The following SEMA3A variants were observed in gnomAD, a reference collection of about 807,000 sequenced individuals.
SEMA3A encodes the protein semaphorin 3A, also known as semaphorin-3A.
Under a neutral mutation model 97.9 loss-of-function variants are expected in SEMA3A, and 29 were observed. The observed-to-expected ratio is 0.30, with a 90% CI of 0.22 to 0.40. SEMA3A has a LOEUF of 0.40. SEMA3A is among the 10% of genes least tolerant of loss of function. SEMA3A has a pLI of 1.00. For missense variants in SEMA3A, 763 were observed against 951.3 expected (o/e 0.80, Z 2.60); for synonymous variants, 321 against 323.7 (o/e 0.99, Z 0.09).
At chr7:84,488,317 T>TAC (rs67659986) in intron 1 of SEMA3A, among the ~76,000 whole-genome samples, 8,441 of 145,684 alleles carry the variant, frequency 0.058, 283 homozygotes, top group East Asian at 0.13. Context: ...TCTTCGTATA[T>TAC]ACACACACAC....
At chr7:84,370,954 A>G (rs1802959159) in intron 2 of SEMA3A, among the ~76,000 whole-genome samples, 1 of 151,270 alleles carries the variant, frequency 6.6e-6, no homozygotes, top group African/African-American at 2.4e-5. Flanking sequence ...AGTATACCAT[A>G]TAGAACATAT....
intron 1 of SEMA3A, among the ~76,000 whole-genome samples, chr7:84,429,516 T>TTATATATATATGTATATATATATATA (rs1804914055): frequency 1.4e-5 from 1 of 72,420 alleles, no homozygotes; most frequent in African/African-American, 7.1e-5. Context: ...ATAGAGTTTG[T>TTATATATATATGTATATATATATATA]TATATATATA....
intron 3 of SEMA3A, among the ~76,000 whole-genome samples, chr7:84,201,554 T>G (rs1193134872): frequency 6.6e-6 from 1 of 152,116 alleles, no homozygotes; most frequent in African/African-American, 2.4e-5. Context: ...TTAATTTCAC[T>G]GCCTTGGCTA....
intron 2 of SEMA3A, among the ~76,000 whole-genome samples, chr7:84,318,147 A>G (rs532017434): frequency 6.6e-6 from 1 of 151,958 alleles, no homozygotes; most frequent in Non-Finnish European, 1.5e-5. Context: ...AAAAATATAC[A>G]TTTTTATATT....
chr7:84,247,730 C>T (rs10262040), intron 3 of SEMA3A, among the ~76,000 whole-genome samples: 9,205 of 152,116 alleles, frequency 0.061, 332 homozygotes, highest in African/African-American at 0.11. Context: ...TAGTAACTCC[C>T]CTTACCCCAG....
chr7:84,042,842 C>G (rs558188264), intron 6 of SEMA3A, among the ~76,000 whole-genome samples: 1 of 152,112 alleles, frequency 6.6e-6, no homozygotes, highest in South Asian at 2.1e-4. Flanking sequence ...ATAAACTGCT[C>G]TAATGAATGG....
At chr7:84,093,335 T>G (rs1170625056) in intron 4 of SEMA3A, among the ~76,000 whole-genome samples, 1 of 152,178 alleles carries the variant, frequency 6.6e-6, no homozygotes, top group Non-Finnish European at 1.5e-5. Flanking sequence ...AATATGTGTA[T>G]TTATTTACTC....
At chr7:84,231,060 A>G (rs1429311327) in intron 3 of SEMA3A, among the ~76,000 whole-genome samples, 1 of 151,910 alleles carries the variant, frequency 6.6e-6, no homozygotes, top group Non-Finnish European at 1.5e-5. Flanking sequence ...TTATACTTCA[A>G]AAAATTTCCT....
intron 5 of SEMA3A, among the ~76,000 whole-genome samples, chr7:84,048,388 AC>A (rs1269790300): frequency 9.2e-5 from 14 of 152,096 alleles, no homozygotes; most frequent in Non-Finnish European, 2.1e-4. Flanking sequence ...CTTAATATTA[AC>A]CAATATTCAA....
chr7:84,401,109 T>C (rs1461314317), intron 1 of SEMA3A, among the ~76,000 whole-genome samples: 1 of 152,172 alleles, frequency 6.6e-6, no homozygotes, highest in Non-Finnish European at 1.5e-5. Flanking sequence ...TATCTTATAC[T>C]TATAGAAACC....
chr7:84,074,369 AG>A (rs1475511507), intron 4 of SEMA3A, among the ~76,000 whole-genome samples: 1 of 152,160 alleles, frequency 6.6e-6, no homozygotes, highest in East Asian at 1.9e-4. Context: ...CATTGTGGGA[AG>A]ATGCAAAGAA....
At chr7:84,208,524 G>A (rs573357033) in intron 3 of SEMA3A, among the ~76,000 whole-genome samples, 2 of 152,244 alleles carry the variant, frequency 1.3e-5, no homozygotes, top group African/African-American at 2.4e-5. Context: ...GGGAGGCAAT[G>A]TAAGACTAGC....
intron 2 of SEMA3A, among the ~76,000 whole-genome samples, chr7:84,359,597 T>C (rs1444560972): frequency 6.6e-6 from 1 of 152,134 alleles, no homozygotes; most frequent in Non-Finnish European, 1.5e-5. Flanking sequence ...GGTCTACAAT[T>C]CTCTTTTTTG....
At chr7:83,977,520 A>AAACTC (rs1386101432) in intron 14 of SEMA3A, among the ~76,000 whole-genome samples, 2 of 151,972 alleles carry the variant, frequency 1.3e-5, no homozygotes, top group Non-Finnish European at 2.9e-5. Context: ...TAATGTCTAG[A>AAACTC]AACTCAAGGC....
intron 2 of SEMA3A, among the ~76,000 whole-genome samples, chr7:84,325,982 T>C (rs1047798548): frequency 2.0e-5 from 3 of 152,108 alleles, no homozygotes; most frequent in African/African-American, 7.2e-5. Context: ...AGATTCCACA[T>C]GTAACTGAGA....
At chr7:84,259,018 G>A (rs903862514) in intron 3 of SEMA3A, among the ~76,000 whole-genome samples, 4 of 151,944 alleles carry the variant, frequency 2.6e-5, no homozygotes, top group African/African-American at 9.7e-5. Context: ...AAAGAAATAG[G>A]ATATCTTATG....
Position 84,088,227 on chromosome 7 carries a change from G to A in SEMA3A, c.453+22243C>T, listed in dbSNP as rs867005494. Among the ~76,000 whole-genome samples, 10 of 152,024 alleles carry A rather than the reference G, an allele frequency of 6.6e-5. 1 individual carries two copies. The highest frequency in any genetic ancestry group is 2.6e-4 in the Admixed American group (4 of 15,212). ...TCCCAGCACTTTGGGAGGCCGAGGC[G>A]GGTGGATCACAAGGTCGGGAGATCG... On this transcript the variant is annotated intron_variant, in intron 4 of 16. Coordinates refer to ENST00000265362, the MANE Select transcript of SEMA3A (RefSeq NM_006080.3).
chr7:84,325,433 A>G (rs924068964), intron 2 of SEMA3A, among the ~76,000 whole-genome samples: 1 of 152,102 alleles, frequency 6.6e-6, no homozygotes, highest in Non-Finnish European at 1.5e-5. Context: ...CAAAGATCTG[A>G]ATAAAGACAG....
At chr7:84,122,122 G>C (rs1435688875) in intron 3 of SEMA3A, among the ~76,000 whole-genome samples, 1 of 151,596 alleles carries the variant, frequency 6.6e-6, no homozygotes, top group African/African-American at 2.4e-5. Context: ...GGTTGAACTA[G>C]TTTACAGTCC....
Sources: allele counts gnomAD v4.1 joint callset (sites outside exome capture counted in the v4.1 genomes callset), GRCh38; gene constraint gnomAD v4.1.1; transcripts MANE v1.5; gene names NCBI Gene and HGNC (gene_info 2026-07-23, HGNC 2026-07-21).